The following SRPK1 variants were observed in gnomAD, a reference collection of about 807,000 sequenced individuals.
SRPK1 encodes SRSF protein kinase 1, also known as SFRS protein kinase 1.
Under a neutral mutation model 89.5 loss-of-function variants are expected in SRPK1, and 52 were observed. The observed-to-expected ratio is 0.58, with a 90% CI of 0.46 to 0.73. The LOEUF is 0.73. Ranked by LOEUF, SRPK1 falls within the 30% of genes least tolerant of loss-of-function variation. The probability of loss-of-function intolerance (pLI) is 0.00; values close to 1 mark genes in which losing one functional copy is unlikely to be tolerated. For missense variants in SRPK1, 603 were observed against 780.6 expected (o/e 0.77, Z 2.71); for synonymous variants, 255 against 270.2 (o/e 0.94, Z 0.55).
chr6:35,907,312 A>T (rs1042099818), intron 2 of SRPK1, among the ~76,000 whole-genome samples: 1 of 152,214 alleles, frequency 6.6e-6, no homozygotes, highest in Non-Finnish European at 1.5e-5. Flanking sequence ...AGACTTGTTT[A>T]AAAAAATTTA....
In SRPK1 at chr6:35,850,845, A is replaced by G. The variant is rs184402438; in HGVS notation, c.1620+6416T>C. On this transcript the variant is annotated intron_variant, in intron 13 of 15. Transcript: ENST00000373825. Reference sequence around the variant, plus strand: ...TTTCAAATAAAGTAGTCAGGAAGACATCTCTAAAGAGATTATGTTGAACAA... The same window carrying G: ...TTTCAAATAAAGTAGTCAGGAAGACGTCTCTAAAGAGATTATGTTGAACAA... 2.0e-5 allele frequency among the ~76,000 whole-genome samples: 3 copies of G among 152,378 alleles called. No homozygotes were observed. The East Asian group carries it at 5.8e-4, about 29-fold the overall frequency.
chr6:35,888,877 G>A lies in SRPK1; in HGVS notation c.240C>T (p.Tyr80=). ...CCCAGCCTAACTTTCGGATCACATG[G>A]TATCTCCCATTGAATAGATCTCCAA... is the stretch of plus-strand genomic sequence containing the variant. The part of the protein sequence containing the change: ...VKIGDLFNGR[Y]HVIRKLGWGH... Residue 80 remains tyrosine, a synonymous_variant, in exon 4 of 16, where the codon TAC becomes TAT. Coordinates refer to ENST00000373825, the MANE Select transcript of SRPK1 (RefSeq NM_003137.5). 1 of 1,613,278 alleles carries A rather than the reference G, an allele frequency of 6.2e-7. No homozygotes were observed. Among genetic ancestry groups the A allele is most frequent in the Non-Finnish European group, 8.5e-7 (1 of 1,179,442 alleles).
intron 12 of SRPK1, among the ~76,000 whole-genome samples, chr6:35,861,918 T>C (rs1004280652): frequency 3.9e-5 from 6 of 152,168 alleles, no homozygotes; most frequent in African/African-American, 1.2e-4. Context: ...AGCTGGGCTA[T>C]GCGCTTGCCC....
chr6:35,918,108 C>T (rs927179384), intron 2 of SRPK1, among the ~76,000 whole-genome samples: 3 of 152,170 alleles, frequency 2.0e-5, no homozygotes, highest in African/African-American at 7.2e-5. Flanking sequence ...GAACTTCTAA[C>T]ACAGTACTCT....
In SRPK1 at chr6:35,838,341, T is replaced by C. The variant is rs769571693; in HGVS notation, c.1779A>G (p.Lys593=). The change falls in exon 15 of 16, where the codon AAA becomes AAG. Residue 593 remains lysine (K), a synonymous_variant. Transcript: ENST00000373825. ...CTGGGAACACATTTACTTTACCTTT[T>C]TTGGTGAAAAATTCCTTGGAATATT... ...AGKYSKEFFT[K]KGDLKHITKL... is the part of the protein sequence containing the mutation. 1.3e-5 allele frequency: 21 copies of C among 1,566,964 alleles called. No individual in the cohort carries two copies. Among genetic ancestry groups the C allele is most frequent in the Admixed American group, 2.2e-5 (1 of 45,012 alleles).
At chr6:35,902,441 A>T (rs752087664) in intron 2 of SRPK1, among the ~76,000 whole-genome samples, 72 of 151,950 alleles carry the variant, frequency 4.7e-4, no homozygotes, top group Non-Finnish European at 9.0e-4. Flanking sequence ...ATAATAAAAT[A>T]AAAATCCAAA....
chr6:35,869,572 GT>G lies in SRPK1; in HGVS notation c.1320del (p.Gln440HisfsTer54). The G allele has an allele frequency of 1.2e-6, 2 of 1,613,970 alleles. No individual in the cohort carries two copies. The highest frequency in any genetic ancestry group is 1.7e-6 in the Non-Finnish European group (2 of 1,179,882). ...SSTVGQSFSE[Q>X]HISQLQESIR... is the part of the protein sequence containing the mutation. ...ATGCTTTCTTGAAGTTGGCTAATGT[GT>G]TGTTCACTGAATGACTGACCTACAG... On this transcript the variant is annotated frameshift_variant, in exon 11 of 16. Coordinates refer to ENST00000373825, the MANE Select transcript of SRPK1 (RefSeq NM_003137.5). LOFTEE classifies it high-confidence loss of function.
At chr6:35,869,152 A>T in intron 11 of SRPK1, 42 bp from the exon 12 acceptor site, 1 of 1,489,514 alleles carries the variant, frequency 6.7e-7, no homozygotes. Flanking sequence ...TTCAATGAAC[A>T]GAGAAATACT....
chr6:35,872,153 C>T (rs564619527), intron 8 of SRPK1, among the ~76,000 whole-genome samples: 1 of 152,380 alleles, frequency 6.6e-6, no homozygotes, highest in East Asian at 1.9e-4. Context: ...GCTAAGGTTT[C>T]TCAGTCTAGG....
intron 8 of SRPK1, among the ~76,000 whole-genome samples, chr6:35,871,865 C>G (rs1273890660): frequency 6.6e-6 from 1 of 152,170 alleles, no homozygotes; most frequent in Non-Finnish European, 1.5e-5. Flanking sequence ...CCCCAGCCTC[C>G]TGAGTAAATG....
At chr6:35,843,483 C>T (rs1271527733) in intron 13 of SRPK1, among the ~76,000 whole-genome samples, 1 of 152,052 alleles carries the variant, frequency 6.6e-6, no homozygotes, top group Non-Finnish European at 1.5e-5. Flanking sequence ...TGGAATCTTG[C>T]TCTGCCGGCC....
chr6:35,865,092 T>G (rs1221561017), intron 12 of SRPK1, among the ~76,000 whole-genome samples: 1 of 151,948 alleles, frequency 6.6e-6, no homozygotes, highest in Non-Finnish European at 1.5e-5. Context: ...TATAAAAAAA[T>G]TACTTACAAA....
intron 2 of SRPK1, among the ~76,000 whole-genome samples, chr6:35,908,105 G>C (rs1306313840): frequency 6.6e-6 from 1 of 152,084 alleles, no homozygotes; most frequent in African/African-American, 2.4e-5. Flanking sequence ...TATATACCCG[G>C]TCTCAGGTAG....
chr6:35,901,791 A>G (rs1770745041), intron 2 of SRPK1, among the ~76,000 whole-genome samples: 1 of 152,096 alleles, frequency 6.6e-6, no homozygotes, highest in Non-Finnish European at 1.5e-5. Flanking sequence ...TTCCTGAAAG[A>G]TTTTTTTCTT....
rs896402625 is a variant in SRPK1, at chr6:35,921,064, C to G, written c.-8G>C. The G allele has an allele frequency of 1.3e-6, 2 of 1,528,188 alleles. No homozygotes were observed. The highest frequency in any genetic ancestry group is 1.8e-6 in the Non-Finnish European group (2 of 1,138,406). The allele number at this position is 1,528,188 out of a possible 1,614,324, so 94.7% of individuals were successfully genotyped here. On this transcript the variant is annotated 5_prime_UTR_variant, in exon 1 of 16. Transcript: ENST00000373825. ...CTCACCTTTCCGCTCCATGGTGAGA[C>G]CGGTAATCGCCAGGCGCCTGCGCAC... is the stretch of plus-strand genomic sequence containing the variant.
chr6:35,837,522 T>C (rs1321048364), intron 15 of SRPK1, among the ~76,000 whole-genome samples: 2 of 152,220 alleles, frequency 1.3e-5, no homozygotes, highest in Admixed American at 6.5e-5. Flanking sequence ...ACATGGCTAG[T>C]GGAGTAGCCA....
chr6:35,889,089 C>T (rs1190047348), intron 3 of SRPK1, among the ~76,000 whole-genome samples, 166 bp from the exon 4 acceptor site: 1 of 151,938 alleles, frequency 6.6e-6, no homozygotes, highest in Non-Finnish European at 1.5e-5. Flanking sequence ...GTCAAATCAG[C>T]CACATAGTAT....
intron 2 of SRPK1, chr6:35,919,967 G>C (rs1293537313): frequency 2.4e-6 from 1 of 409,166 alleles, no homozygotes; most frequent in Non-Finnish European, 4.8e-6. Context: ...CTAACCCAGG[G>C]AAAAGCCCCA....
At chr6:35,872,854 C>A in intron 7 of SRPK1, 126 bp from the exon 8 acceptor site, 1 of 866,922 alleles carries the variant, frequency 1.2e-6, no homozygotes, top group South Asian at 2.2e-5. Flanking sequence ...AGAATAAAAG[C>A]ACCTTTTAAA....
Sources: gnomAD v4.1 joint callset for allele counts (sites outside exome capture counted in the v4.1 genomes callset) on GRCh38, gnomAD v4.1.1 for gene constraint, MANE v1.5 for transcripts, NCBI Gene and HGNC (gene_info 2026-07-23, HGNC 2026-07-21) for gene names.